Variants in NXPH1 observed in about 807,000 individuals in gnomAD.
The protein encoded by NXPH1 is neurexophilin-1.
NXPH1 carries 5 observed loss-of-function variants against 23.7 expected under a neutral mutation model. The ratio of observed to expected loss-of-function variants is 0.21; its 90% CI spans 0.11 to 0.44. The LOEUF is 0.44. NXPH1 is among the 20% of genes least tolerant of loss of function. The pLI is 0.99. For missense variants in NXPH1, 324 were observed against 321.6 expected (o/e 1.01, Z -0.06); for synonymous variants, 144 against 122.2 (o/e 1.18, Z -1.18).
rs545972285 is a variant in NXPH1 at position 8,456,734 on chromosome 7, A to C, written c.54+20967A>C. Among the ~76,000 whole-genome samples, 44 of 152,352 alleles carry C rather than the reference A, an allele frequency of 2.9e-4. 1 individual carries two copies. The South Asian group carries it at 8.7e-3, about 30-fold the overall frequency. On this transcript the variant is annotated intron_variant, in intron 2 of 2. Transcript: ENST00000405863. ...ATCCAAATCCATAAAGCTATATTCA[A>C]ATAACTGCAGTAAGAAACACATTTT...
chr7:8,523,152 G>A (rs1273450220), intron 2 of NXPH1, among the ~76,000 whole-genome samples: 1 of 152,210 alleles, frequency 6.6e-6, no homozygotes, highest in African/African-American at 2.4e-5. Flanking sequence ...TGCTGGCACA[G>A]TTTAGTCCAG....
At chr7:8,579,376 GT>G (rs984746797) in intron 2 of NXPH1, among the ~76,000 whole-genome samples, 10 of 57,732 alleles carry the variant, frequency 1.7e-4, no homozygotes, top group African/African-American at 1.0e-3. Flanking sequence ...TTTTTTTTTT[GT>G]TTTGTTTTTC....
intron 2 of NXPH1, among the ~76,000 whole-genome samples, chr7:8,681,211 C>G (rs1461617834): frequency 6.6e-6 from 1 of 152,194 alleles, no homozygotes; most frequent in Admixed American, 6.5e-5. Flanking sequence ...ATCCCTTTTA[C>G]TTTTAGATTT....
Position 8,533,916 on chromosome 7 carries a change from A to G in NXPH1, c.54+98149A>G, listed in dbSNP as rs17150710. ...GTGAGCTCTGTTAGAAGTATGCCTC[A>G]GTTCACTGACGTTGAAAATTAACCT... is the stretch of plus-strand genomic sequence containing the variant. On this transcript the variant is annotated intron_variant, in intron 2 of 2. Transcript: ENST00000405863. Among the ~76,000 whole-genome samples the G allele has an allele frequency of 5.2e-4, 79 of 152,102 alleles. No homozygotes were observed. In the East Asian group the frequency reaches 0.014, roughly 27 times the overall value.
At chr7:8,520,572 T>C (rs2057750) in intron 2 of NXPH1, among the ~76,000 whole-genome samples, 88,672 of 152,028 alleles carry the variant, frequency 0.58, 26,066 homozygotes, top group East Asian at 0.69. Flanking sequence ...CTGTCAGTGA[T>C]GAATGAACAT....
intron 2 of NXPH1, among the ~76,000 whole-genome samples, chr7:8,522,557 G>T (rs566224091): frequency 6.6e-6 from 1 of 151,978 alleles, no homozygotes; most frequent in South Asian, 2.1e-4. Context: ...CTCTAGCACC[G>T]TTTTTTTAAA....
chr7:8,649,461 C>A (rs773779146), intron 2 of NXPH1, among the ~76,000 whole-genome samples: 1 of 152,158 alleles, frequency 6.6e-6, no homozygotes, highest in South Asian at 2.1e-4. Context: ...TATACACACA[C>A]AATTATACTC....
chr7:8,462,056 T>C (rs961676587), intron 2 of NXPH1, among the ~76,000 whole-genome samples: 65 of 98,624 alleles, frequency 6.6e-4, no homozygotes, highest in African/African-American at 4.6e-3. Flanking sequence ...TCTATCTCTC[T>C]GTCTATTTTT....
intron 2 of NXPH1, among the ~76,000 whole-genome samples, chr7:8,663,828 C>T (rs1220924671): frequency 6.6e-6 from 1 of 152,010 alleles, no homozygotes; most frequent in Non-Finnish European, 1.5e-5. Flanking sequence ...TAGCTTGAGT[C>T]CCTTGAAGAA....
In NXPH1 at chr7:8,599,313, T is replaced by A. The variant is rs1483066919; in HGVS notation, c.55-151695T>A. 3.3e-5 allele frequency among the ~76,000 whole-genome samples: 5 copies of A among 152,086 alleles called. No homozygotes were observed. The South Asian group carries it at 6.3e-4, about 19-fold the overall frequency. ...TCAGCACTCACGAAGGTCATTACGC[T>A]CTACGATTTCATCTTCTTAACAATT... On this transcript the variant is annotated intron_variant, in intron 2 of 2. Transcript: ENST00000405863.
At chr7:8,667,549 T>C (rs1820792110) in intron 2 of NXPH1, among the ~76,000 whole-genome samples, 1 of 152,050 alleles carries the variant, frequency 6.6e-6, no homozygotes, top group Non-Finnish European at 1.5e-5. Context: ...CTGTGAAATC[T>C]GATTCTAGCC....
At chr7:8,459,829 T>C (rs546062446) in intron 2 of NXPH1, among the ~76,000 whole-genome samples, 5 of 152,322 alleles carry the variant, frequency 3.3e-5, no homozygotes, top group Admixed American at 1.3e-4. Flanking sequence ...GACCCAGATA[T>C]GCAATAAATA....
intron 2 of NXPH1, among the ~76,000 whole-genome samples, chr7:8,437,718 A>G (rs1816220746): frequency 6.6e-6 from 1 of 152,254 alleles, no homozygotes; most frequent in Admixed American, 6.5e-5. Context: ...CTGCGTTCTC[A>G]ACAACAAGCG....
chr7:8,474,529 AATT>A (rs1347542818), intron 2 of NXPH1, among the ~76,000 whole-genome samples: 2 of 152,000 alleles, frequency 1.3e-5, no homozygotes, highest in African/African-American at 4.8e-5. Flanking sequence ...ACACACATCT[AATT>A]AACACATACC....
At chr7:8,580,496 G>C (rs771709348) in intron 2 of NXPH1, among the ~76,000 whole-genome samples, 1 of 152,160 alleles carries the variant, frequency 6.6e-6, no homozygotes, top group African/African-American at 2.4e-5. Flanking sequence ...GCTGAGAATG[G>C]GAGAGAGGCT....
At chr7:8,721,304 G>A (rs1261464369) in intron 2 of NXPH1, among the ~76,000 whole-genome samples, 1 of 151,970 alleles carries the variant, frequency 6.6e-6, no homozygotes, top group Non-Finnish European at 1.5e-5. Context: ...GTGATCAAAT[G>A]AAACTAATTG....
At chr7:8,688,316 T>C (rs1821178175) in intron 2 of NXPH1, among the ~76,000 whole-genome samples, 1 of 152,192 alleles carries the variant, frequency 6.6e-6, no homozygotes, top group South Asian at 2.1e-4. Flanking sequence ...TTATACATTA[T>C]AAATTCGTTT....
At chr7:8,644,711 AT>A (rs1287862867) in intron 2 of NXPH1, among the ~76,000 whole-genome samples, 2 of 152,178 alleles carry the variant, frequency 1.3e-5, no homozygotes, top group African/African-American at 4.8e-5. Context: ...AATATAAAAA[AT>A]ATAACCATTA....
chr7:8,603,023 T>C (rs1160735699), intron 2 of NXPH1, among the ~76,000 whole-genome samples: 2 of 152,040 alleles, frequency 1.3e-5, no homozygotes, highest in Non-Finnish European at 2.9e-5. Context: ...GTCGGTCAGG[T>C]TGGTCTCGAA....
Sources: allele counts gnomAD v4.1 joint callset (sites outside exome capture counted in the v4.1 genomes callset), GRCh38; gene constraint gnomAD v4.1.1; transcripts MANE v1.5; gene names NCBI Gene and HGNC (gene_info 2026-07-23, HGNC 2026-07-21).